The following PTGER4 variants were observed in gnomAD, a reference collection of about 807,000 sequenced individuals.
PTGER4 encodes the protein prostaglandin E2 receptor EP4 subtype.
In PTGER4, 11 loss-of-function variants were observed where a neutral mutation model predicts 33.2. That is an observed-to-expected ratio of 0.33 (90% CI 0.21 to 0.55). The LOEUF (loss-of-function observed/expected upper bound fraction) is 0.55, where lower values mean the gene tolerates loss of function less well. PTGER4 is among the 20% of genes least tolerant of loss of function. PTGER4 has a pLI of 0.92. For missense variants in PTGER4, 481 were observed against 650.2 expected, an observed-to-expected ratio of 0.74 and a Z score of 2.83; for synonymous variants, 275 against 281.5, an observed-to-expected ratio of 0.98 and a Z score of 0.23.
the PTGER4 span, among the ~76,000 whole-genome samples, chr5:40,737,034 G>A: frequency 6.6e-6 from 1 of 152,134 alleles, no homozygotes; most frequent in African/African-American, 2.4e-5. Context: ...GGTGGCTCAG[G>A]CCTGTAATCC....
chr5:40,722,310 C>G, the PTGER4 span, among the ~76,000 whole-genome samples: 3 of 152,336 alleles, frequency 2.0e-5, no homozygotes, highest in East Asian at 1.9e-4. Flanking sequence ...GAGATTGCAT[C>G]CTCTGCCCGG....
chr5:40,730,810 T>C, the PTGER4 span, among the ~76,000 whole-genome samples: 1 of 152,312 alleles, frequency 6.6e-6, no homozygotes, highest in African/African-American at 2.4e-5. Flanking sequence ...CAGAAAAACT[T>C]AGAAATGGGT....
At chr5:40,746,323 C>G in the PTGER4 span, among the ~76,000 whole-genome samples, 134 of 152,136 alleles carry the variant, frequency 8.8e-4, 1 homozygote, top group Non-Finnish European at 1.7e-3. Context: ...ACTTCCTGTA[C>G]AGCAAGTCAT....
the PTGER4 span, among the ~76,000 whole-genome samples, chr5:40,732,674 T>C: frequency 6.6e-6 from 1 of 151,938 alleles, no homozygotes. Context: ...AGTGGCATGA[T>C]CTCAGCTCAC....
At chr5:40,734,522 G>C in the PTGER4 span, among the ~76,000 whole-genome samples, 2 of 152,202 alleles carry the variant, frequency 1.3e-5, no homozygotes, top group Non-Finnish European at 2.9e-5. Flanking sequence ...GGCAGGATGA[G>C]ATAATGCCCT....
At chr5:40,684,233 A>G (rs1741273556) in intron 2 of PTGER4, among the ~76,000 whole-genome samples, 2 of 149,074 alleles carry the variant, frequency 1.3e-5, no homozygotes, top group Non-Finnish European at 3.0e-5. Context: ...TTTCATATTC[A>G]TGTTGTAAAT....
At position 40,681,682 on chromosome 5, in the gene PTGER4, C is replaced by T. The variant is rs199542450; in HGVS notation, c.689C>T (p.Ala230Val). ...RTSLGTEQHHAAAAASVASRG... is the reference protein window; with the variant it reads ...RTSLGTEQHHVAAAASVASRG... The stretch of plus-strand genomic sequence containing the variant: ...TCGCTGGGCACCGAGCAGCACCACG[C>T]GGCCGCGGCCGCCTCGGTTGCCTCC... Residue 230 changes from alanine to valine, a missense_variant, in exon 2 of 3, where the codon GCG becomes GTG. Physicochemically the swap from Ala to Val is moderately conservative, Grantham distance 64 (BLOSUM62 0). Around this residue, in one of 7 missense-constraint regions of PTGER4, gnomAD observed 174 missense variants for 210.5 expected, o/e 0.83. Transcript: ENST00000302472. The surrounding 1 kb of genome is among the most constrained non-coding windows in gnomAD (Gnocchi z 9.8). 6.4e-7 allele frequency: 1 copy of T among 1,570,738 alleles called. No individual in the cohort carries two copies. The highest frequency in any genetic ancestry group is 8.6e-7 in the Non-Finnish European group (1 of 1,164,114).
chr5:40,742,788 T>C, the PTGER4 span, among the ~76,000 whole-genome samples: 2 of 152,310 alleles, frequency 1.3e-5, no homozygotes, highest in South Asian at 4.1e-4. Context: ...CAAAGGTCCT[T>C]TGTGGTTTGG....
chr5:40,695,634 C>T (rs373728972), downstream of PTGER4, among the ~76,000 whole-genome samples: 96 of 152,262 alleles, frequency 6.3e-4, no homozygotes, highest in African/African-American at 2.2e-3. Context: ...ATCACTTGAA[C>T]CCAGGAGGCG....
chr5:40,742,503 C>G, the PTGER4 span, among the ~76,000 whole-genome samples: 1 of 152,128 alleles, frequency 6.6e-6, no homozygotes, highest in Non-Finnish European at 1.5e-5. Context: ...CAAAGCTGGT[C>G]AACAGCAGAA....
the PTGER4 span, among the ~76,000 whole-genome samples, chr5:40,704,151 GC>G: frequency 6.6e-6 from 1 of 152,012 alleles, no homozygotes; most frequent in Non-Finnish European, 1.5e-5. Flanking sequence ...GATCAAGTAG[GC>G]TTCACCCTCA....
the PTGER4 span, among the ~76,000 whole-genome samples, chr5:40,721,279 G>A: frequency 6.6e-6 from 1 of 152,146 alleles, no homozygotes; most frequent in African/African-American, 2.4e-5. Context: ...CCTGAGCTGG[G>A]CACAAAGTAA....
chr5:40,703,123 C>G, the PTGER4 span, among the ~76,000 whole-genome samples: 3 of 151,874 alleles, frequency 2.0e-5, no homozygotes, highest in South Asian at 2.1e-4. Context: ...CAGAACAAAT[C>G]AACTGCAAAG....
chr5:40,721,033 C>T, the PTGER4 span, among the ~76,000 whole-genome samples: 1 of 152,158 alleles, frequency 6.6e-6, no homozygotes, highest in Non-Finnish European at 1.5e-5. Context: ...CCTATCTGTT[C>T]CCCCAGCTTG....
At chr5:40,729,062 A>G in the PTGER4 span, among the ~76,000 whole-genome samples, 1 of 152,168 alleles carries the variant, frequency 6.6e-6, no homozygotes, top group African/African-American at 2.4e-5. Flanking sequence ...GATTTTATCT[A>G]TAATCTTTAG....
intron 2 of PTGER4, among the ~76,000 whole-genome samples, chr5:40,686,482 A>G (rs1447467969): frequency 4.6e-5 from 7 of 152,250 alleles, no homozygotes. Flanking sequence ...ATGAGAGCCA[A>G]CATATCTGTT....
downstream of PTGER4, chr5:40,696,570 G>A: frequency 1.4e-6 from 1 of 700,826 alleles, no homozygotes; most frequent in Non-Finnish European, 1.8e-6. Flanking sequence ...CAGAAAGGAA[G>A]AGAGAAAGAT....
chr5:40,728,355 T>C, the PTGER4 span: 1 of 1,586,950 alleles, frequency 6.3e-7, no homozygotes, highest in Non-Finnish European at 8.6e-7. Context: ...CAGGATTATC[T>C]CTCCTAAACC....
In PTGER4 at chr5:40,681,027, T is replaced by G. The variant is rs1187013714; in HGVS notation, c.34T>G (p.Leu12Val). The G allele has an allele frequency of 6.2e-7, 1 of 1,613,718 alleles. No homozygotes were observed. The highest frequency in any genetic ancestry group is 1.3e-5 in the African/African-American group (1 of 74,896). ...TCCCGGGGTCAATTCGTCCGCCTCC[T>G]TGAGCCCCGACCGGCTGAACAGCCC... Reference protein sequence around the residue: ...STPGVNSSASLSPDRLNSPVT... With the variant: ...STPGVNSSASVSPDRLNSPVT... The change falls in exon 2 of 3, where the codon TTG becomes GTG. Residue 12 changes from leucine to valine, a missense_variant. Transcript: ENST00000302472. This position sits in a 1 kb window ranked among gnomAD's most constrained non-coding sequence, Gnocchi z 9.8.
Sources: allele counts gnomAD v4.1 joint callset (sites outside exome capture counted in the v4.1 genomes callset), GRCh38; gene constraint gnomAD v4.1.1; regional missense constraint gnomAD v4.1.1; non-coding constraint Gnocchi (gnomAD v3.1); transcripts MANE v1.5; gene names NCBI Gene and HGNC (gene_info 2026-07-23, HGNC 2026-07-21).